Variants in AFAP1 observed in about 807,000 individuals in gnomAD.
The protein encoded by AFAP1 is actin filament associated protein 1.
A neutral mutation model predicts 93.9 loss-of-function variants in AFAP1; 75 were observed. The observed-to-expected ratio is 0.80, with a 90% CI of 0.66 to 0.97. The LOEUF (loss-of-function observed/expected upper bound fraction) is 0.97, where lower values mean the gene tolerates loss of function less well. AFAP1 is among the 50% of genes least tolerant of loss of function. AFAP1 has a pLI of 0.00. For synonymous variants in AFAP1, 517 were observed against 430.7 expected (o/e 1.20, Z -2.48); for missense variants, 1,201 against 1,050.8 (o/e 1.14, Z -1.98).
At chr4:7,787,816 G>A (rs1035790850) in intron 11 of AFAP1, among the ~76,000 whole-genome samples, 1 of 152,150 alleles carries the variant, frequency 6.6e-6, no homozygotes, top group Admixed American at 6.5e-5. Flanking sequence ...TTTCTGCTCC[G>A]TCCCTGCGCT....
At chr4:7,937,320 G>T (rs904553306) in intron 1 of AFAP1, among the ~76,000 whole-genome samples, 1 of 152,148 alleles carries the variant, frequency 6.6e-6, no homozygotes, top group Non-Finnish European at 1.5e-5. Flanking sequence ...CACCATTGCT[G>T]GTAAGAGAAT....
At chr4:7,919,442 T>C (rs1280127437) in intron 1 of AFAP1, among the ~76,000 whole-genome samples, 1 of 152,212 alleles carries the variant, frequency 6.6e-6, no homozygotes, top group Non-Finnish European at 1.5e-5. Flanking sequence ...GAATGGAACC[T>C]GTGTTTTCAT....
chr4:7,786,028 A>G (rs1278049546), intron 12 of AFAP1, among the ~76,000 whole-genome samples, 166 bp downstream of exon 12: 2 of 152,234 alleles, frequency 1.3e-5, no homozygotes, highest in African/African-American at 4.8e-5. Flanking sequence ...TCAGATAAAC[A>G]GCATGTCAGA....
At position 7,868,734 on chromosome 4, in the gene AFAP1, C is replaced by G. The variant is rs907334597; in HGVS notation, c.128-15G>C. The G allele has an allele frequency of 1.2e-6, 2 of 1,609,296 alleles. No individual in the cohort carries two copies. Reference sequence around the variant, plus strand: ...CACATCAAAACCTGTAAGAATTAACCAGAACCACAGAACTGGATGAGGATG... The same window carrying G: ...CACATCAAAACCTGTAAGAATTAACGAGAACCACAGAACTGGATGAGGATG... On this transcript the variant is annotated splice_polypyrimidine_tract_variant and intron_variant, in intron 2 of 17. Coordinates refer to ENST00000420658, the MANE Select transcript of AFAP1 (RefSeq NM_001134647.2).
chr4:7,782,677 A>C (rs550635400), intron 12 of AFAP1, among the ~76,000 whole-genome samples: 1 of 152,320 alleles, frequency 6.6e-6, no homozygotes, highest in South Asian at 2.1e-4. Flanking sequence ...AGGCAGTATT[A>C]ATTCCTCTCT....
chr4:7,796,475 C>T (rs963624505), intron 10 of AFAP1, among the ~76,000 whole-genome samples: 10 of 152,104 alleles, frequency 6.6e-5, no homozygotes, highest in African/African-American at 1.9e-4. Context: ...CTGGGCCAGG[C>T]GCAGTGGCTC....
intron 1 of AFAP1, among the ~76,000 whole-genome samples, chr4:7,912,525 G>A (rs933337943): frequency 2.0e-5 from 3 of 152,112 alleles, no homozygotes; most frequent in South Asian, 4.1e-4. Flanking sequence ...TGGCTTTAGC[G>A]TGCATTTTTC....
intron 1 of AFAP1, among the ~76,000 whole-genome samples, chr4:7,917,382 A>C (rs1412665401): frequency 1.3e-5 from 2 of 152,210 alleles, no homozygotes; most frequent in Admixed American, 6.5e-5. Context: ...ACACTGGAAA[A>C]GATCTGGAAG....
intron 6 of AFAP1, among the ~76,000 whole-genome samples, chr4:7,834,662 G>T (rs185412786): frequency 1.3e-5 from 2 of 152,264 alleles, no homozygotes; most frequent in East Asian, 3.8e-4. Context: ...GGCTGGGACT[G>T]CCTTGCTACC....
chr4:7,848,119 GGA>G, intron 4 of AFAP1, among the ~76,000 whole-genome samples: 1 of 136,014 alleles, frequency 7.4e-6, no homozygotes, highest in South Asian at 2.7e-4. Flanking sequence ...AAGGAAGGAA[GGA>G]AGGAAGGGAG....
intron 1 of AFAP1, among the ~76,000 whole-genome samples, chr4:7,916,730 T>C (rs1400449655): frequency 6.6e-6 from 1 of 152,156 alleles, no homozygotes; most frequent in East Asian, 1.9e-4. Flanking sequence ...CTCTGAAAAG[T>C]GTACATGTCA....
rs1395265065 is a variant in AFAP1 at position 7,759,166 on chromosome 4, T to C, written c.*4599A>G. 2 of 152,800 alleles carry C rather than the reference T, an allele frequency of 1.3e-5. No individual in the cohort carries two copies. The highest frequency in any genetic ancestry group is 3.9e-4 in the East Asian group (2 of 5,190). The allele number at this position is 152,800 out of a possible 1,614,324, so 9.5% of individuals were successfully genotyped here. On this transcript the variant is annotated 3_prime_UTR_variant, in exon 18 of 18. Coordinates refer to ENST00000420658, the MANE Select transcript of AFAP1 (RefSeq NM_001134647.2). ...GATGTTAAAATGTAAAGTGAATATT[T>C]CCTTTCTTGTTAGAAAATCAAAAAG...
intron 5 of AFAP1, chr4:7,842,904 G>T: frequency 1.9e-6 from 1 of 513,328 alleles, no homozygotes; most frequent in Non-Finnish European, 3.5e-6. Context: ...GATTTTGTTC[G>T]CTGGCTGCTT....
intron 1 of AFAP1, among the ~76,000 whole-genome samples, chr4:7,911,678 C>A (rs1321766665): frequency 6.6e-6 from 1 of 152,116 alleles, no homozygotes; most frequent in Non-Finnish European, 1.5e-5. Flanking sequence ...GTATTAGAAC[C>A]AGGATATAAG....
At chr4:7,785,999 C>A (rs1717219501) in intron 12 of AFAP1, among the ~76,000 whole-genome samples, 195 bp downstream of exon 12, 1 of 152,146 alleles carries the variant, frequency 6.6e-6, no homozygotes, top group African/African-American at 2.4e-5. Flanking sequence ...TCAAACTATC[C>A]ACTTGTTCAA....
At chr4:7,846,057 G>A (rs1324751764) in intron 4 of AFAP1, among the ~76,000 whole-genome samples, 4 of 152,188 alleles carry the variant, frequency 2.6e-5, no homozygotes, top group South Asian at 2.1e-4. Flanking sequence ...AAGGAGAAAC[G>A]CGATGAGCGA....
intron 1 of AFAP1, among the ~76,000 whole-genome samples, chr4:7,872,949 A>C (rs1282651981): frequency 6.7e-6 from 1 of 149,512 alleles, no homozygotes; most frequent in African/African-American, 2.5e-5. Flanking sequence ...TAAAAAAAAA[A>C]AAAAAAAAAA....
chr4:7,924,136 T>C (rs1720586976), intron 1 of AFAP1, among the ~76,000 whole-genome samples: 3 of 152,228 alleles, frequency 2.0e-5, no homozygotes, highest in South Asian at 4.1e-4. Flanking sequence ...TTCAATGACA[T>C]TGTGGCAGAA....
intron 6 of AFAP1, among the ~76,000 whole-genome samples, chr4:7,819,625 G>C (rs1365742360): frequency 6.6e-6 from 1 of 152,202 alleles, no homozygotes; most frequent in Admixed American, 6.5e-5. Context: ...CTGGGCAGCA[G>C]GAACAGCTGG....
Sources: allele counts gnomAD v4.1 joint callset (sites outside exome capture counted in the v4.1 genomes callset), GRCh38; gene constraint gnomAD v4.1.1; transcripts MANE v1.5; gene names NCBI Gene and HGNC (gene_info 2026-07-23, HGNC 2026-07-21).